The following GALM variants were observed in gnomAD, a reference collection of about 807,000 sequenced individuals.
GALM encodes galactose mutarotase.
Under a neutral mutation model 37.4 loss-of-function variants are expected in GALM, and 43 were observed. That is an observed-to-expected ratio of 1.15 (90% confidence interval 0.90 to 1.48). The LOEUF (loss-of-function observed/expected upper bound fraction) is 1.48, where lower values mean the gene tolerates loss of function less well. Among genes scored for constraint, GALM ranks in the 40% most tolerant of loss-of-function variants. The pLI is 0.00. For missense variants in GALM, 456 were observed against 419.1 expected, an observed-to-expected ratio of 1.09 and a Z score of -0.77; for synonymous variants, 199 against 170.6, an observed-to-expected ratio of 1.17 and a Z score of -1.30.
At chr2:38,672,448 G>A (rs1179907680) in intron 1 of GALM, among the ~76,000 whole-genome samples, 2 of 152,164 alleles carry the variant, frequency 1.3e-5, no homozygotes, top group Non-Finnish European at 2.9e-5. Flanking sequence ...GAAGAAGGTG[G>A]GGAGAGGTGG....
intron 3 of GALM, among the ~76,000 whole-genome samples, chr2:38,686,276 C>CTTTCTTTCTTTCCTTCTTTCTTTCT (rs1294189123): frequency 1.0e-5 from 1 of 99,032 alleles, no homozygotes; most frequent in African/African-American, 4.3e-5. Context: ...TTCTTTCTTT[C>CTTTCTTTCTTTCCTTCTTTCTTTCT]TTATTTTGAG....
At chr2:38,667,741 G>A (rs1348755741) in intron 1 of GALM, among the ~76,000 whole-genome samples, 1 of 151,896 alleles carries the variant, frequency 6.6e-6, no homozygotes, top group Non-Finnish European at 1.5e-5. Flanking sequence ...GGAGGCTGAG[G>A]CAGGAGAATC....
intron 1 of GALM, among the ~76,000 whole-genome samples, chr2:38,674,191 CTTTT>C (rs202079509): frequency 1.5e-5 from 2 of 134,496 alleles, no homozygotes. Flanking sequence ...ACAGCTTATA[CTTTT>C]TTTTTTTTTT....
chr2:38,725,991 C>G (rs1666477937), intron 4 of GALM, among the ~76,000 whole-genome samples: 1 of 152,008 alleles, frequency 6.6e-6, no homozygotes, highest in African/African-American at 2.4e-5. Flanking sequence ...GGATTACAGG[C>G]ATGAGCCACC....
chr2:38,729,745 A>C, intron 5 of GALM, 48 bp downstream of exon 5: 1 of 1,524,654 alleles, frequency 6.6e-7, no homozygotes, highest in Non-Finnish European at 9.0e-7. Context: ...AATGACACCA[A>C]GTCCTATTTT....
chr2:38,723,106 GC>G (rs1297487406), intron 4 of GALM, among the ~76,000 whole-genome samples: 3 of 152,128 alleles, frequency 2.0e-5, no homozygotes, highest in Non-Finnish European at 4.4e-5. Context: ...TCTGCTTCAT[GC>G]CCAGAGGGTA....
chr2:38,730,100 C>T (rs1216982246), intron 5 of GALM, among the ~76,000 whole-genome samples: 2 of 152,306 alleles, frequency 1.3e-5, no homozygotes, highest in African/African-American at 4.8e-5. Context: ...CAGCACTCAC[C>T]GCCTCCAGCC....
At chr2:38,673,101 A>G (rs1007970858) in intron 1 of GALM, among the ~76,000 whole-genome samples, 4 of 152,250 alleles carry the variant, frequency 2.6e-5, no homozygotes, top group Admixed American at 2.6e-4. Flanking sequence ...GAAGCAAACC[A>G]GGAAAGGCCT....
At chr2:38,672,460 A>G (rs1191693362) in intron 1 of GALM, among the ~76,000 whole-genome samples, 3 of 152,066 alleles carry the variant, frequency 2.0e-5, no homozygotes, top group Admixed American at 6.6e-5. Flanking sequence ...GAGAGGTGGG[A>G]ATAGGAGAGA....
chr2:38,709,838 G>A (rs1170506015), intron 4 of GALM, among the ~76,000 whole-genome samples: 5 of 152,172 alleles, frequency 3.3e-5, no homozygotes, highest in South Asian at 4.1e-4. Flanking sequence ...GATGATTTAC[G>A]AAGATGGCTT....
chr2:38,688,304 G>A (rs551775359), intron 3 of GALM, among the ~76,000 whole-genome samples: 11 of 151,990 alleles, frequency 7.2e-5, no homozygotes, highest in African/African-American at 2.2e-4. Context: ...CTGAGGTCGC[G>A]AGTTCGAGAC....
At position 38,733,485 on chromosome 2, in the gene GALM, C is replaced by A; in HGVS notation, c.952-3C>A. ...CATCACCTGTGTTGTTTCCCCTTCA[C>A]AGCCCCGCTTCCCTCCTGTGCTGCT... On this transcript the variant is annotated splice_polypyrimidine_tract_variant and splice_region_variant and intron_variant, in intron 6 of 6. Transcript: ENST00000272252. The A allele has an allele frequency of 6.2e-7, 1 of 1,613,426 alleles. No homozygotes were observed. Among genetic ancestry groups the A allele is most frequent in the Non-Finnish European group, 8.5e-7 (1 of 1,179,382 alleles).
At chr2:38,677,653 C>T (rs987070333) in intron 2 of GALM, among the ~76,000 whole-genome samples, 3 of 152,164 alleles carry the variant, frequency 2.0e-5, no homozygotes, top group Non-Finnish European at 4.4e-5. Context: ...TGGCATTTTC[C>T]GTGGTGTTGC....
At chr2:38,675,694 G>A (rs569173903) in intron 1 of GALM, among the ~76,000 whole-genome samples, 5 of 150,658 alleles carry the variant, frequency 3.3e-5, no homozygotes, top group South Asian at 4.2e-4. Context: ...TCAGCCTCCC[G>A]AGTAGCTGGG....
chr2:38,698,097 C>A (rs1181117600), intron 4 of GALM, among the ~76,000 whole-genome samples: 1 of 152,066 alleles, frequency 6.6e-6, no homozygotes, highest in Admixed American at 6.6e-5. Flanking sequence ...GTGCGCACCA[C>A]CACGGCCAGC....
chr2:38,728,119 A>C (rs6544172), intron 4 of GALM, among the ~76,000 whole-genome samples: 128,181 of 150,462 alleles, frequency 0.85, 54,227 homozygotes, highest in East Asian at 0.99. Flanking sequence ...TTAGGCCAGG[A>C]GTGGTGGCTC....
intron 1 of GALM, chr2:38,669,567 G>A (rs954531367): frequency 6.6e-6 from 1 of 152,164 alleles, no homozygotes; most frequent in African/African-American, 2.4e-5. Context: ...CCTCCTATGA[G>A]TTTTTCAACC....
At chr2:38,670,696 C>T (rs1420603597) in intron 1 of GALM, among the ~76,000 whole-genome samples, 1 of 152,094 alleles carries the variant, frequency 6.6e-6, no homozygotes, top group Non-Finnish European at 1.5e-5. Flanking sequence ...CATTTTTATC[C>T]CCTTTCTTTC....
intron 4 of GALM, among the ~76,000 whole-genome samples, chr2:38,717,343 GTGTA>G (rs1323440593): frequency 6.9e-6 from 1 of 144,318 alleles, no homozygotes; most frequent in African/African-American, 2.6e-5. Flanking sequence ...GTGTGTGTGT[GTGTA>G]TAAAAGAGAG....
Sources: gnomAD v4.1 joint callset for allele counts (sites outside exome capture counted in the v4.1 genomes callset) on GRCh38, gnomAD v4.1.1 for gene constraint, MANE v1.5 for transcripts, NCBI Gene and HGNC (gene_info 2026-07-23, HGNC 2026-07-21) for gene names.